Variants in GSK3B observed in about 807,000 individuals in gnomAD.
GSK3B encodes the protein glycogen synthase kinase-3 beta.
Under a neutral mutation model 56.4 loss-of-function variants are expected in GSK3B, and 15 were observed. That is an observed-to-expected ratio of 0.27 (90% CI 0.18 to 0.41). The LOEUF (loss-of-function observed/expected upper bound fraction) is 0.41. Ranked by LOEUF, GSK3B falls within the 10% of genes least tolerant of loss-of-function variation. The pLI is 1.00. For synonymous variants in GSK3B, 181 were observed against 188.9 expected, an observed-to-expected ratio of 0.96 and a Z score of 0.34; for missense variants, 300 against 513.4, an observed-to-expected ratio of 0.58 and a Z score of 4.02.
chr3:119,983,095 C>T (rs1258470088), intron 2 of GSK3B, among the ~76,000 whole-genome samples: 1 of 152,152 alleles, frequency 6.6e-6, no homozygotes, highest in Non-Finnish European at 1.5e-5. Context: ...ATCTCATATC[C>T]AGCCAAACTA....
chr3:119,989,653 A>T (rs2057545873), intron 2 of GSK3B, among the ~76,000 whole-genome samples: 1 of 152,064 alleles, frequency 6.6e-6, no homozygotes. Flanking sequence ...TCCAAAAAAA[A>T]AAAAAAGGAA....
intron 1 of GSK3B, among the ~76,000 whole-genome samples, chr3:120,066,448 T>C (rs2058279233): frequency 6.6e-6 from 1 of 152,158 alleles, no homozygotes; most frequent in Non-Finnish European, 1.5e-5. Context: ...TTAAAGAGAA[T>C]AGATTAAAAC....
chr3:119,925,623 AT>A (rs935699810), intron 3 of GSK3B, among the ~76,000 whole-genome samples: 1 of 151,786 alleles, frequency 6.6e-6, no homozygotes, highest in African/African-American at 2.4e-5. Context: ...TTGCTCCAGA[AT>A]TTTTTTTGTC....
At chr3:119,831,905 T>C (rs999229007) in intron 10 of GSK3B, among the ~76,000 whole-genome samples, 10 of 151,878 alleles carry the variant, frequency 6.6e-5, no homozygotes, top group African/African-American at 1.2e-4. Flanking sequence ...TAAGAGGAAA[T>C]AGAACAATCA....
intron 9 of GSK3B, among the ~76,000 whole-genome samples, chr3:119,844,848 G>C (rs1318212518): frequency 6.6e-6 from 1 of 152,166 alleles, no homozygotes; most frequent in Non-Finnish European, 1.5e-5. Context: ...ACCTGGCAGA[G>C]ACACAAGAAA....
At chr3:119,900,225 A>AG (rs2056612170) in intron 7 of GSK3B, among the ~76,000 whole-genome samples, 1 of 152,130 alleles carries the variant, frequency 6.6e-6, no homozygotes, top group Admixed American at 6.6e-5. Context: ...TCTAAAGGCC[A>AG]GTTACAAAAA....
rs1220536995 is a variant in GSK3B at position 120,088,422 on chromosome 3, T to C, written c.88+4925A>G. Among the ~76,000 whole-genome samples, 4 of 152,222 alleles carry C rather than the reference T, an allele frequency of 2.6e-5. No homozygotes were observed. In the East Asian group the frequency reaches 7.7e-4, roughly 29 times the overall value. On this transcript the variant is annotated intron_variant, in intron 1 of 10. Coordinates refer to ENST00000264235, the MANE Select transcript of GSK3B (RefSeq NM_001146156.2). ...TACTCAGTTTTTCCTTGCTGTTCTA[T>C]TCACATAGGTTTTTATATAAATATA...
intron 2 of GSK3B, among the ~76,000 whole-genome samples, chr3:119,995,714 G>T (rs1034784191): frequency 1.4e-5 from 2 of 145,548 alleles, no homozygotes; most frequent in South Asian, 4.4e-4. Context: ...ATGAGCCACC[G>T]CACCCGGCCT....
chr3:119,910,980 C>G (rs1239148779), intron 6 of GSK3B, among the ~76,000 whole-genome samples: 1 of 152,204 alleles, frequency 6.6e-6, no homozygotes. Context: ...GCTAGTTCCA[C>G]AACATCTGCA....
At chr3:119,877,002 T>A (rs921617634) in intron 7 of GSK3B, among the ~76,000 whole-genome samples, 2 of 152,176 alleles carry the variant, frequency 1.3e-5, no homozygotes, top group African/African-American at 2.4e-5. Flanking sequence ...GGTATTCTGT[T>A]ATAGTAGCAC....
At chr3:120,014,362 T>A (rs1410673478) in intron 1 of GSK3B, among the ~76,000 whole-genome samples, 1 of 151,768 alleles carries the variant, frequency 6.6e-6, no homozygotes, top group Non-Finnish European at 1.5e-5. Context: ...AACATAAAAA[T>A]TAATTAGCAA....
At position 120,001,697 on chromosome 3, in the gene GSK3B, A is replaced by G. The variant is rs114152802; in HGVS notation, c.282+349T>C. On this transcript the variant is annotated intron_variant, in intron 2 of 10. Coordinates refer to ENST00000264235, the MANE Select transcript of GSK3B (RefSeq NM_001146156.2). ...GCATAGTCAAATACATAAAATGCTT[A>G]TATGCTACAGGCAGTGTTCCTCTGG... Among the ~76,000 whole-genome samples, 142 of 152,384 alleles carry G rather than the reference A, an allele frequency of 9.3e-4. 1 individual carries two copies. Among genetic ancestry groups the G allele is most frequent in the African/African-American group, 3.3e-3 (138 of 41,592 alleles).
intron 1 of GSK3B, among the ~76,000 whole-genome samples, chr3:120,077,100 G>C (rs1281837069): frequency 1.3e-5 from 2 of 152,156 alleles, no homozygotes; most frequent in Non-Finnish European, 2.9e-5. Flanking sequence ...AGCCACTCTG[G>C]AAACAGTATG....
chr3:119,866,032 T>C (rs2056179212), intron 8 of GSK3B, among the ~76,000 whole-genome samples: 1 of 152,210 alleles, frequency 6.6e-6, no homozygotes, highest in Non-Finnish European at 1.5e-5. Context: ...CTAGGTTCAG[T>C]ACTCTGTGAA....
At chr3:119,840,388 C>T (rs1559803351) in intron 10 of GSK3B, among the ~76,000 whole-genome samples, 1 of 152,018 alleles carries the variant, frequency 6.6e-6, no homozygotes, top group South Asian at 2.1e-4. Flanking sequence ...CCACGTCCGG[C>T]TAATTTTGTA....
At chr3:119,912,146 G>C (rs559399858) in intron 6 of GSK3B, among the ~76,000 whole-genome samples, 2 of 152,132 alleles carry the variant, frequency 1.3e-5, no homozygotes, top group South Asian at 4.2e-4. Flanking sequence ...GTTATTAATT[G>C]GCCTAATTTC....
At chr3:119,835,220 A>G (rs926583390) in intron 10 of GSK3B, among the ~76,000 whole-genome samples, 2 of 152,244 alleles carry the variant, frequency 1.3e-5, no homozygotes, top group African/African-American at 4.8e-5. Flanking sequence ...GGGAAATAGA[A>G]AAGTACTTGT....
intron 2 of GSK3B, among the ~76,000 whole-genome samples, chr3:119,988,541 C>T (rs1037706301): frequency 3.3e-5 from 5 of 152,190 alleles, no homozygotes; most frequent in Admixed American, 2.6e-4. Flanking sequence ...AGGAACCATA[C>T]TTACAAAGGC....
chr3:119,926,457 T>C (rs1242021926), intron 3 of GSK3B, among the ~76,000 whole-genome samples: 1 of 152,274 alleles, frequency 6.6e-6, no homozygotes, highest in Admixed American at 6.5e-5. Context: ...TCTTCACTGG[T>C]AGAACCCTCG....
Sources: gnomAD v4.1 joint callset for allele counts (sites outside exome capture counted in the v4.1 genomes callset) on GRCh38, gnomAD v4.1.1 for gene constraint, MANE v1.5 for transcripts, NCBI Gene and HGNC (gene_info 2026-07-23, HGNC 2026-07-21) for gene names.